The following NDST4 variants were observed in gnomAD, a reference collection of about 807,000 sequenced individuals.
The protein encoded by NDST4 is N-deacetylase and N-sulfotransferase 4, also known as N-heparan sulfate sulfotransferase 4.
NDST4 carries 63 observed loss-of-function variants against 100.8 expected under a neutral mutation model. The observed-to-expected ratio is 0.62, with a 90% CI of 0.51 to 0.77. The LOEUF (loss-of-function observed/expected upper bound fraction) is 0.77, where lower values mean the gene tolerates loss of function less well. Ranked by LOEUF, NDST4 falls within the 30% of genes least tolerant of loss-of-function variation. NDST4 has a pLI of 0.00. For missense variants in NDST4, 943 were observed against 1,018.4 expected (o/e 0.93, Z 1.01); for synonymous variants, 377 against 361.8 (o/e 1.04, Z -0.48).
At chr4:114,946,145 T>A (rs1026803823) in intron 4 of NDST4, among the ~76,000 whole-genome samples, 34 of 152,216 alleles carry the variant, frequency 2.2e-4, no homozygotes, top group Admixed American at 2.2e-3. Flanking sequence ...TCATTCACAT[T>A]GTATAAAATG....
intron 2 of NDST4, among the ~76,000 whole-genome samples, chr4:115,053,972 T>C (rs1728640582): frequency 6.6e-6 from 1 of 152,146 alleles, no homozygotes; most frequent in East Asian, 1.9e-4. Context: ...TGGATCTTAA[T>C]CACTTTGGCT....
intron 6 of NDST4, among the ~76,000 whole-genome samples, chr4:114,896,156 A>T (rs1724708710): frequency 6.6e-6 from 1 of 152,224 alleles, no homozygotes; most frequent in Non-Finnish European, 1.5e-5. Flanking sequence ...AGCCATTGAC[A>T]ATTATGAACA....
In NDST4 at chr4:114,836,861, T is replaced by C. The variant is rs2126182119; in HGVS notation, c.2286+2517A>G. ...ATCTTGTCTTCATACCTTATTTCAG[T>C]AAGTTGATCTTCAATCTCTGATAGC... is the stretch of plus-strand genomic sequence containing the variant. On this transcript the variant is annotated intron_variant, in intron 11 of 13. Transcript: ENST00000264363. Among the ~76,000 whole-genome samples the C allele has an allele frequency of 1.3e-5, 2 of 152,270 alleles. 1 individual carries two copies. Among genetic ancestry groups the C allele is most frequent in the South Asian group, 4.1e-4 (2 of 4,828 alleles).
intron 4 of NDST4, among the ~76,000 whole-genome samples, chr4:114,961,535 T>C (rs893998225): frequency 6.6e-6 from 1 of 151,948 alleles, no homozygotes; most frequent in African/African-American, 2.4e-5. Flanking sequence ...ATACAAATAA[T>C]AACTGCCATG....
intron 2 of NDST4, among the ~76,000 whole-genome samples, chr4:114,983,521 T>C (rs554791526): frequency 6.6e-6 from 1 of 152,196 alleles, no homozygotes; most frequent in Non-Finnish European, 1.5e-5. Context: ...ATTCTTCTAT[T>C]TGGAATGGGA....
intron 6 of NDST4, among the ~76,000 whole-genome samples, chr4:114,925,649 C>T (rs1054935822): frequency 3.3e-5 from 5 of 152,140 alleles, no homozygotes; most frequent in African/African-American, 9.7e-5. Context: ...GTACACCACT[C>T]TTTCAGGCAC....
At chr4:114,857,971 G>T (rs72679763) in intron 7 of NDST4, among the ~76,000 whole-genome samples, 10,159 of 152,050 alleles carry the variant, frequency 0.067, 397 homozygotes, top group East Asian at 0.087. Flanking sequence ...AACCAAGAGA[G>T]CAGTATGATT....
intron 6 of NDST4, among the ~76,000 whole-genome samples, chr4:114,929,600 T>A (rs766421149): frequency 3.3e-5 from 5 of 152,174 alleles, no homozygotes; most frequent in Non-Finnish European, 7.4e-5. Flanking sequence ...GAAACTCCCC[T>A]CTTTCACTAT....
chr4:114,848,507 C>T (rs1264018726), intron 8 of NDST4, among the ~76,000 whole-genome samples, 169 bp from the exon 9 acceptor site: 1 of 152,208 alleles, frequency 6.6e-6, no homozygotes, highest in Admixed American at 6.5e-5. Context: ...TCTAAGTGTT[C>T]TATTTTTAGT....
intron 6 of NDST4, among the ~76,000 whole-genome samples, chr4:114,872,479 T>G (rs1221638369): frequency 3.3e-5 from 5 of 152,044 alleles, no homozygotes; most frequent in African/African-American, 1.2e-4. Flanking sequence ...GTGGAAAAGA[T>G]AGTCTCTATT....
intron 11 of NDST4, 74 bp downstream of exon 11, chr4:114,839,304 G>T: frequency 3.7e-6 from 5 of 1,368,126 alleles, no homozygotes; most frequent in Non-Finnish European, 3.0e-6. Flanking sequence ...GTAATTTCAG[G>T]ACATTATAAT....
chr4:114,929,113 C>CATCTATCCATCTATCTATCT (rs1725455423), intron 6 of NDST4, among the ~76,000 whole-genome samples: 4 of 117,492 alleles, frequency 3.4e-5, no homozygotes, highest in East Asian at 4.9e-4. Flanking sequence ...TCCATCCATC[C>CATCTATCCATCTATCTATCT]ATCTATCTAT....
intron 3 of NDST4, among the ~76,000 whole-genome samples, chr4:114,974,775 C>T (rs934061804): frequency 4.6e-5 from 7 of 152,000 alleles, no homozygotes; most frequent in Admixed American, 1.3e-4. Context: ...TTGTTTTTAG[C>T]ATGTGAAGGA....
At chr4:114,903,113 T>C (rs1196364588) in intron 6 of NDST4, among the ~76,000 whole-genome samples, 1 of 152,124 alleles carries the variant, frequency 6.6e-6, no homozygotes, top group African/African-American at 2.4e-5. Flanking sequence ...AAACTGTGTT[T>C]TCTGCCTTTT....
At chr4:115,060,647 A>T (rs1268449252) in intron 2 of NDST4, among the ~76,000 whole-genome samples, 1 of 151,962 alleles carries the variant, frequency 6.6e-6, no homozygotes, top group East Asian at 1.9e-4. Flanking sequence ...GTATATGTTA[A>T]ATATTATTTG....
chr4:114,940,474 C>T (rs1444969432), intron 4 of NDST4, among the ~76,000 whole-genome samples: 1 of 152,128 alleles, frequency 6.6e-6, no homozygotes. Context: ...TGGGATGGTT[C>T]CCTTGGGTTT....
At position 114,827,921 on chromosome 4, in the gene NDST4, G is replaced by A. The variant is rs1723114014; in HGVS notation, c.2514C>T (p.Leu838=). ...PPMDPESRTF[L]SNYYRDHNVE... ...CATTATGATCTCGGTAGTAATTAGAGAGGAACGTTCTAGACTGGAAAGAAA... is the reference window on the plus strand; with the variant it reads ...CATTATGATCTCGGTAGTAATTAGAAAGGAACGTTCTAGACTGGAAAGAAA... The change falls in exon 14 of 14, where the codon CTC becomes CTT. Residue 838 remains leucine (L), a synonymous_variant. Coordinates refer to ENST00000264363, the MANE Select transcript of NDST4 (RefSeq NM_022569.3). The A allele has an allele frequency of 1.9e-6, 3 of 1,606,548 alleles. No individual in the cohort carries two copies. The highest frequency in any genetic ancestry group is 2.5e-6 in the Non-Finnish European group (3 of 1,177,848).
rs775947532 is a variant in NDST4, at chr4:114,935,351, A to G, written c.1408-17T>C. 6.5e-7 allele frequency: 1 copy of G among 1,544,354 alleles called. No individual in the cohort carries two copies. The highest frequency in any genetic ancestry group is 8.7e-7 in the Non-Finnish European group (1 of 1,145,226). On this transcript the variant is annotated splice_polypyrimidine_tract_variant and intron_variant, in intron 5 of 13. Transcript: ENST00000264363. The stretch of plus-strand genomic sequence containing the variant: ...AGGGAGGACCTGAGTAAAAAAGGGG[A>G]AAAACAGCACATGGACGTGATTTAA...
chr4:114,969,772 T>C (rs1444585684), intron 4 of NDST4, among the ~76,000 whole-genome samples: 2 of 152,372 alleles, frequency 1.3e-5, no homozygotes, highest in South Asian at 4.1e-4. Context: ...AGCTCTGTGA[T>C]GAACATGTGT....
Sources: allele counts gnomAD v4.1 joint callset (sites outside exome capture counted in the v4.1 genomes callset), GRCh38; gene constraint gnomAD v4.1.1; transcripts MANE v1.5; gene names NCBI Gene and HGNC (gene_info 2026-07-23, HGNC 2026-07-21).